NUS1: variants seen among roughly 807,000 people sequenced by gnomAD.
NUS1 encodes the protein dehydrodolichyl diphosphate synthase complex subunit NUS1.
For missense variants in NUS1, 292 were observed against 382.9 expected (o/e 0.76, Z 1.98); for synonymous variants, 135 against 155.2 (o/e 0.87, Z 0.97).
chr6:117,695,901 T>C (rs916160781), intron 3 of NUS1, among the ~76,000 whole-genome samples: 1 of 152,190 alleles, frequency 6.6e-6, no homozygotes, highest in African/African-American at 2.4e-5. Flanking sequence ...TGTTTTTTAT[T>C]GGTGAGTAGT....
intron 3 of NUS1, among the ~76,000 whole-genome samples, chr6:117,701,245 CTTTT>C (rs1181868381): frequency 1.7e-5 from 2 of 120,656 alleles, no homozygotes; most frequent in Non-Finnish European, 1.8e-5. Context: ...TTCTAATTTT[CTTTT>C]TTTTTTTTTT....
intron 3 of NUS1, among the ~76,000 whole-genome samples, chr6:117,701,247 T>TC (rs1225950260): frequency 1.9e-5 from 1 of 51,536 alleles, no homozygotes; most frequent in African/African-American, 3.5e-5. Flanking sequence ...CTAATTTTCT[T>TC]TTTTTTTTTT....
intron 1 of NUS1, among the ~76,000 whole-genome samples, chr6:117,691,068 A>G (rs1201223565): frequency 6.6e-6 from 1 of 151,518 alleles, no homozygotes; most frequent in African/African-American, 2.4e-5. Context: ...TAAGTCAGTC[A>G]TGTACCATAT....
At chr6:117,686,559 C>T (rs1409025380) in intron 1 of NUS1, among the ~76,000 whole-genome samples, 2 of 152,106 alleles carry the variant, frequency 1.3e-5, no homozygotes, top group Non-Finnish European at 2.9e-5. Flanking sequence ...AGGTGCAATA[C>T]TATATAATTC....
In NUS1 at chr6:117,708,163, T is replaced by A. The variant is rs560541518; in HGVS notation, c.*1148T>A. 6.5e-6 allele frequency: 1 copy of A among 152,704 alleles called. No individual in the cohort carries two copies. The highest frequency in any genetic ancestry group is 2.4e-5 in the African/African-American group (1 of 41,484). The allele number at this position is 152,704 out of a possible 1,614,324, so 9.5% of individuals were successfully genotyped here. A position where few individuals can be genotyped will look rare whatever the true frequency, so the allele number is the denominator to read the frequency against. On this transcript the variant is annotated 3_prime_UTR_variant, in exon 5 of 5. Transcript: ENST00000368494. Reference sequence around the variant, plus strand: ...CTTTAAGTAGGATTGAAGGCCTCTGTGGGGGAATAAAATATTACCAAAGTC... The same window carrying A: ...CTTTAAGTAGGATTGAAGGCCTCTGAGGGGGAATAAAATATTACCAAAGTC...
In NUS1 at chr6:117,708,579, TTAAAC is replaced by T. The variant is rs1276589746; in HGVS notation, c.*1569_*1573del. On this transcript the variant is annotated 3_prime_UTR_variant, in exon 5 of 5. Transcript: ENST00000368494. Reference sequence around the variant, plus strand: ...TTAAATACACTTGAAATAAAAATGATTAAACTAAATTTTGGTCCAGTGACATTACT... The same window carrying T: ...TTAAATACACTTGAAATAAAAATGATTAAATTTTGGTCCAGTGACATTACT... 5.9e-5 allele frequency: 9 copies of T among 152,562 alleles called. No homozygotes were observed. The highest frequency in any genetic ancestry group is 3.4e-3 in the Middle Eastern group (1 of 294). The allele number at this position is 152,562 out of a possible 1,614,324, so 9.5% of individuals were successfully genotyped here. A position where few individuals can be genotyped will look rare whatever the true frequency, so the allele number is the denominator to read the frequency against.
intron 1 of NUS1, among the ~76,000 whole-genome samples, chr6:117,688,086 A>C (rs1437470909): frequency 6.6e-6 from 1 of 152,188 alleles, no homozygotes; most frequent in Non-Finnish European, 1.5e-5. Context: ...AGCTGGGCAC[A>C]GTGATATGCA....
chr6:117,693,522 A>T (rs920383703), intron 2 of NUS1, among the ~76,000 whole-genome samples: 10 of 152,216 alleles, frequency 6.6e-5, no homozygotes, highest in African/African-American at 2.4e-4. Flanking sequence ...TTGCATGTCT[A>T]TAGATAAGAA....
At chr6:117,682,175 G>A (rs1020464465) in intron 1 of NUS1, among the ~76,000 whole-genome samples, 1 of 152,134 alleles carries the variant, frequency 6.6e-6, no homozygotes, top group African/African-American at 2.4e-5. Context: ...CTCTGAAGTA[G>A]CCTCTCTCGA....
intron 1 of NUS1, among the ~76,000 whole-genome samples, chr6:117,690,267 G>T (rs1582469345): frequency 6.6e-6 from 1 of 151,786 alleles, no homozygotes; most frequent in South Asian, 2.1e-4. Flanking sequence ...TCTTATGATT[G>T]TGGGCTTTCA....
intron 1 of NUS1, among the ~76,000 whole-genome samples, chr6:117,689,665 G>A (rs571098237): frequency 3.4e-4 from 52 of 152,014 alleles, no homozygotes; most frequent in Middle Eastern, 6.8e-3. Flanking sequence ...GGACTCAAGC[G>A]ATCCTCCCAC....
intron 3 of NUS1, among the ~76,000 whole-genome samples, chr6:117,699,145 A>G (rs137947087): frequency 6.9e-4 from 105 of 152,192 alleles, no homozygotes; most frequent in African/African-American, 2.5e-3. Flanking sequence ...TGGCGGTCCT[A>G]GCTAGAGCAA....
Position 117,706,927 on chromosome 6 carries a change from C to G in NUS1, c.794C>G (p.Ser265Cys). The G allele has an allele frequency of 6.2e-7, 1 of 1,612,368 alleles. No homozygotes were observed. The stretch of plus-strand genomic sequence containing the variant: ...CTCCCCCCGTGTTTTCTTTTCAGCT[C>G]TTTGCCTTCCCACCTAAACATCAGT... ...PWHIRLTEIV[S>C]LPSHLNISYE... The change falls in exon 5 of 5, where the codon TCT (serine) becomes TGT (cysteine). Residue 265 changes from serine to cysteine, a missense_variant and splice_region_variant. Coordinates refer to ENST00000368494, the MANE Select transcript of NUS1 (RefSeq NM_138459.5).
chr6:117,679,721 A>C (rs1390164563), intron 1 of NUS1, among the ~76,000 whole-genome samples: 1 of 152,218 alleles, frequency 6.6e-6, no homozygotes, highest in Non-Finnish European at 1.5e-5. Context: ...CTTCCCCCAG[A>C]ACAAATGTTT....
chr6:117,676,305 G>A (rs940960988), intron 1 of NUS1, among the ~76,000 whole-genome samples: 3 of 152,226 alleles, frequency 2.0e-5, no homozygotes, highest in Admixed American at 6.5e-5. Context: ...TTGGCCGGGC[G>A]CGGTGGCTCA....
intron 3 of NUS1, among the ~76,000 whole-genome samples, chr6:117,694,491 C>T (rs1773287602): frequency 6.6e-6 from 1 of 151,964 alleles, no homozygotes; most frequent in Non-Finnish European, 1.5e-5. Flanking sequence ...GCCTTCCTCT[C>T]CCTCTTCCCC....
At chr6:117,687,557 A>G (rs1582467933) in intron 1 of NUS1, among the ~76,000 whole-genome samples, 1 of 152,264 alleles carries the variant, frequency 6.6e-6, no homozygotes, top group South Asian at 2.1e-4. Flanking sequence ...TTGAAGGTAA[A>G]TGACATTTCA....
At chr6:117,695,196 A>AAAC (rs1773299785) in intron 3 of NUS1, among the ~76,000 whole-genome samples, 2 of 130,048 alleles carry the variant, frequency 1.5e-5, no homozygotes, top group African/African-American at 5.8e-5. Context: ...CCTGTCTCAA[A>AAAC]AAAAAAAAAA....
intron 4 of NUS1, 139 bp downstream of exon 4, chr6:117,703,843 G>A: frequency 1.5e-6 from 1 of 666,134 alleles, no homozygotes. Context: ...AGTACCACTG[G>A]TAAAATAAAG....
Sources: gnomAD v4.1 joint callset for allele counts (sites outside exome capture counted in the v4.1 genomes callset) on GRCh38, gnomAD v4.1.1 for gene constraint, MANE v1.5 for transcripts, NCBI Gene and HGNC (gene_info 2026-07-23, HGNC 2026-07-21) for gene names.